Variants in CCDC150 observed in about 807,000 individuals in gnomAD.
CCDC150 encodes the protein coiled-coil domain containing 150.
Under a neutral mutation model 156.5 loss-of-function variants are expected in CCDC150, and 151 were observed. The observed-to-expected ratio is 0.97, with a 90% confidence interval of 0.85 to 1.10. The LOEUF (loss-of-function observed/expected upper bound fraction) is 1.10. Ranked by LOEUF, CCDC150 falls within the 50% of genes least tolerant of loss-of-function variation. The probability of loss-of-function intolerance (pLI) is 0.00; values close to 1 mark genes in which losing one functional copy is unlikely to be tolerated. For synonymous variants in CCDC150, 452 were observed against 429.4 expected, an observed-to-expected ratio of 1.05 and a Z score of -0.65; for missense variants, 1,312 against 1,268.1, an observed-to-expected ratio of 1.03 and a Z score of -0.53.
chr2:196,701,616 G>T (rs1696214189), intron 15 of CCDC150, among the ~76,000 whole-genome samples: 1 of 152,216 alleles, frequency 6.6e-6, no homozygotes, highest in Non-Finnish European at 1.5e-5. Flanking sequence ...GCCTGCAACT[G>T]ATATAGGTAA....
At chr2:196,714,847 T>A (rs555980297) in intron 17 of CCDC150, among the ~76,000 whole-genome samples, 49 of 152,332 alleles carry the variant, frequency 3.2e-4, no homozygotes, top group Middle Eastern at 3.4e-3. Flanking sequence ...GTAGAATTTT[T>A]AAAATGATAT....
At chr2:196,668,295 TAAAAAAAAAAAAAAA>T (rs55945331) in intron 7 of CCDC150, among the ~76,000 whole-genome samples, 1 of 92,256 alleles carries the variant, frequency 1.1e-5, no homozygotes. Flanking sequence ...AAACTCCATC[TAAAAAAAAAAAAAAA>T]AAAAAAAAAG....
At chr2:196,731,359 A>C (rs1698508467) in intron 26 of CCDC150, among the ~76,000 whole-genome samples, 1 of 150,500 alleles carries the variant, frequency 6.6e-6, no homozygotes, top group Non-Finnish European at 1.5e-5. Flanking sequence ...TCTAAACTTA[A>C]ATTAGCCTTT....
chr2:196,669,979 G>C, intron 8 of CCDC150, 103 bp downstream of exon 8: 1 of 715,116 alleles, frequency 1.4e-6, no homozygotes, highest in Non-Finnish European at 2.3e-6. Context: ...TCTCATCAAA[G>C]TTTTATTTAA....
chr2:196,716,446 A>G (rs1202275054), intron 17 of CCDC150, among the ~76,000 whole-genome samples: 1 of 152,282 alleles, frequency 6.6e-6, no homozygotes, highest in Non-Finnish European at 1.5e-5. Flanking sequence ...TACATGCAGC[A>G]GATTGAATAA....
Position 196,732,159 on chromosome 2 carries a change from T to C in CCDC150, c.3189+7T>C. The C allele has an allele frequency of 6.2e-7, 1 of 1,613,792 alleles. No individual in the cohort carries two copies. Among genetic ancestry groups the C allele is most frequent in the Non-Finnish European group, 8.5e-7 (1 of 1,179,792 alleles). On this transcript the variant is annotated splice_region_variant and intron_variant, in intron 27 of 27. Coordinates refer to ENST00000389175, the MANE Select transcript of CCDC150 (RefSeq NM_001080539.2). ...AGACAGGTGGCAGGAAAAGGTAAGA[T>C]TAAGACATGGATGTCTTAAGCAATT...
chr2:196,640,833 G>A (rs1692178086), intron 1 of CCDC150, among the ~76,000 whole-genome samples: 1 of 152,222 alleles, frequency 6.6e-6, no homozygotes, highest in Non-Finnish European at 1.5e-5. Context: ...CCACCATTTG[G>A]AGTGGGAGGG....
Position 196,720,512 on chromosome 2 carries a change from A to T in CCDC150, c.2166-63A>T, listed in dbSNP as rs1304934535. ...AGAAGAAAAGTGTTCTGTAACTCCCAAATGGTATCATTCCTACACGATTCT... is the reference window on the plus strand; with the variant it reads ...AGAAGAAAAGTGTTCTGTAACTCCCTAATGGTATCATTCCTACACGATTCT... On this transcript the variant is annotated intron_variant, in intron 19 of 27. Transcript: ENST00000389175. 3.7e-6 allele frequency: 5 copies of T among 1,368,026 alleles called. No individual in the cohort carries two copies. The African/African-American group carries it at 5.8e-5, about 16-fold the overall frequency. 84.7% of individuals were successfully genotyped at this position (1,368,026 alleles called of 1,614,324 possible).
intron 9 of CCDC150, 61 bp downstream of exon 9, chr2:196,672,498 C>A: frequency 1.1e-6 from 1 of 888,910 alleles, no homozygotes; most frequent in Non-Finnish European, 1.6e-6. Flanking sequence ...ATTAAATAAC[C>A]AAGAAACAAA....
chr2:196,721,353 C>CGTATATATATATATGT (rs1559276051), intron 20 of CCDC150, among the ~76,000 whole-genome samples, 169 bp from the exon 21 acceptor site: 2 of 133,162 alleles, frequency 1.5e-5, no homozygotes, highest in East Asian at 2.5e-4. Flanking sequence ...TATGTGTGTG[C>CGTATATATATATATGT]ATATATATAT....
intron 15 of CCDC150, among the ~76,000 whole-genome samples, chr2:196,705,724 T>A (rs1696577417): frequency 6.6e-6 from 1 of 152,230 alleles, no homozygotes; most frequent in African/African-American, 2.4e-5. Context: ...GAATTAATTT[T>A]TGTATAAGGT....
At chr2:196,661,056 T>C (rs1018372136) in intron 5 of CCDC150, among the ~76,000 whole-genome samples, 3 of 152,212 alleles carry the variant, frequency 2.0e-5, no homozygotes, top group Admixed American at 2.0e-4. Flanking sequence ...GAAAAGACAA[T>C]CCTTTCTCCT....
chr2:196,716,931 G>C (rs1697553104), intron 17 of CCDC150, among the ~76,000 whole-genome samples: 1 of 146,618 alleles, frequency 6.8e-6, no homozygotes. Context: ...TCTTGGCTTG[G>C]CTCACTGCAA....
chr2:196,694,726 G>A (rs1308478423), intron 13 of CCDC150, among the ~76,000 whole-genome samples: 1 of 152,122 alleles, frequency 6.6e-6, no homozygotes, highest in Non-Finnish European at 1.5e-5. Flanking sequence ...GCTGGGCATG[G>A]TGGTGCGTGC....
intron 15 of CCDC150, among the ~76,000 whole-genome samples, chr2:196,705,777 C>T (rs1044590326): frequency 1.3e-4 from 20 of 152,154 alleles, no homozygotes; most frequent in Non-Finnish European, 2.8e-4. Flanking sequence ...TATGGCTAGC[C>T]AGTTTTCCCA....
chr2:196,642,227 A>C (rs1337028835), intron 1 of CCDC150, among the ~76,000 whole-genome samples: 1 of 152,238 alleles, frequency 6.6e-6, no homozygotes, highest in East Asian at 1.9e-4. Context: ...GATATGTTAA[A>C]GCTGTTGTCT....
At chr2:196,676,306 T>A (rs370191525) in intron 11 of CCDC150, 39 bp downstream of exon 11, 9 of 1,606,690 alleles carry the variant, frequency 5.6e-6, no homozygotes, top group South Asian at 2.2e-5. Flanking sequence ...CATCTTTTGT[T>A]CTTGCATGTG....
intron 21 of CCDC150, among the ~76,000 whole-genome samples, chr2:196,725,695 T>C (rs576092108): frequency 3.9e-5 from 6 of 152,346 alleles, no homozygotes; most frequent in Admixed American, 2.0e-4. Flanking sequence ...TCTCTTAAAG[T>C]GTTTCTTCTT....
intron 13 of CCDC150, among the ~76,000 whole-genome samples, chr2:196,684,243 T>G (rs1260645307): frequency 6.6e-6 from 1 of 152,138 alleles, no homozygotes; most frequent in Admixed American, 6.5e-5. Context: ...GTTTTGTTAT[T>G]TTGTGTTTTC....
Sources: allele counts gnomAD v4.1 joint callset (sites outside exome capture counted in the v4.1 genomes callset), GRCh38; gene constraint gnomAD v4.1.1; transcripts MANE v1.5; gene names NCBI Gene and HGNC (gene_info 2026-07-23, HGNC 2026-07-21).